The following GRB2 variants were observed in gnomAD, a reference collection of about 807,000 sequenced individuals.
GRB2 encodes the protein growth factor receptor-bound protein 2.
A neutral mutation model predicts 27.4 loss-of-function variants in GRB2; 2 were observed. The observed-to-expected ratio is 0.07, with a 90% confidence interval of 0.03 to 0.23. The LOEUF is 0.23. Among genes scored for constraint, GRB2 ranks in the 10% least tolerant of loss-of-function variants. The probability of loss-of-function intolerance (pLI) is 1.00; values close to 1 mark genes in which losing one functional copy is unlikely to be tolerated. For synonymous variants in GRB2, 94 were observed against 99.6 expected (o/e 0.94, Z 0.33); for missense variants, 102 against 282.4 (o/e 0.36, Z 4.58).
chr17:75,392,099 A>C (rs192453528), intron 2 of GRB2, among the ~76,000 whole-genome samples: 11 of 152,360 alleles, frequency 7.2e-5, no homozygotes, highest in African/African-American at 2.6e-4. Context: ...GTAATCACCT[A>C]CAGAAACATC....
intron 5 of GRB2, among the ~76,000 whole-genome samples, chr17:75,321,039 TC>T (rs1207365476): frequency 6.6e-6 from 1 of 152,114 alleles, no homozygotes; most frequent in Non-Finnish European, 1.5e-5. Context: ...AGCATAGTTT[TC>T]CTCATAATTT....
At chr17:75,378,315 G>T (rs4789180) in intron 2 of GRB2, among the ~76,000 whole-genome samples, 97,254 of 152,016 alleles carry the variant, frequency 0.64, 37,266 homozygotes, top group East Asian at 0.91. Context: ...ACAGGAGGGC[G>T]GAGGTTGTAG....
At chr17:75,345,644 T>C (rs926633942) in intron 2 of GRB2, among the ~76,000 whole-genome samples, 2 of 152,096 alleles carry the variant, frequency 1.3e-5, no homozygotes, top group African/African-American at 4.8e-5. Context: ...GAAAGGCTTG[T>C]TATAATCACA....
At chr17:75,359,547 G>T (rs1462415926) in intron 2 of GRB2, among the ~76,000 whole-genome samples, 1 of 151,350 alleles carries the variant, frequency 6.6e-6, no homozygotes, top group Non-Finnish European at 1.5e-5. Context: ...ATTTCAGATT[G>T]GTGTGAGTAA....
chr17:75,344,671 G>A (rs1013042191), intron 2 of GRB2, among the ~76,000 whole-genome samples: 1 of 151,826 alleles, frequency 6.6e-6, no homozygotes, highest in Admixed American at 6.6e-5. Context: ...GGATTTACAG[G>A]TGTTGAGCCA....
At chr17:75,338,893 G>C (rs1598224722) in intron 2 of GRB2, 1 of 845,822 alleles carries the variant, frequency 1.2e-6, no homozygotes, top group East Asian at 2.4e-5. Flanking sequence ...ACCCCACAAA[G>C]TGACACAGTA....
rs2078448575 is a variant in GRB2, at chr17:75,320,158, C to T, written c.*210G>A. On this transcript the variant is annotated 3_prime_UTR_variant, in exon 6 of 6. Coordinates refer to ENST00000316804, the MANE Select transcript of GRB2 (RefSeq NM_002086.5). This position sits in a 1 kb window ranked among gnomAD's most constrained non-coding sequence, Gnocchi z 4.3. The stretch of plus-strand genomic sequence containing the variant: ...GCAGTGAAAATTTGTAATAAAAACT[C>T]TTCTTAATTTATAGGTAAGTTTTGG... 5 of 503,972 alleles carry T rather than the reference C, an allele frequency of 9.9e-6. No homozygotes were observed. In the East Asian group the frequency reaches 1.6e-4, roughly 16 times the overall value. 31.2% of individuals were successfully genotyped at this position (503,972 alleles called of 1,614,324 possible).
intron 1 of GRB2, among the ~76,000 whole-genome samples, chr17:75,403,458 G>A (rs927487083): frequency 3.9e-5 from 6 of 152,066 alleles, no homozygotes; most frequent in African/African-American, 1.2e-4. Context: ...TGCTGACGAA[G>A]TAAAGTGCCT....
At chr17:75,359,196 T>C (rs1483553764) in intron 2 of GRB2, among the ~76,000 whole-genome samples, 7 of 131,742 alleles carry the variant, frequency 5.3e-5, no homozygotes, top group African/African-American at 1.7e-4. Context: ...AGAGGAATAA[T>C]AGACAATACA....
intron 2 of GRB2, among the ~76,000 whole-genome samples, chr17:75,357,712 C>G (rs1290204940): frequency 6.6e-6 from 1 of 152,104 alleles, no homozygotes; most frequent in African/African-American, 2.4e-5. Flanking sequence ...CCTGACGTCA[C>G]AAGTTCGAGA....
At chr17:75,323,144 G>C (rs930315092) in intron 4 of GRB2, among the ~76,000 whole-genome samples, 2 of 145,880 alleles carry the variant, frequency 1.4e-5, no homozygotes, top group Non-Finnish European at 3.0e-5. Context: ...AAAAAAAAAG[G>C]CATTCTCTGA....
intron 3 of GRB2, among the ~76,000 whole-genome samples, chr17:75,330,915 T>C (rs1413997279): frequency 6.6e-6 from 1 of 152,196 alleles, no homozygotes; most frequent in Non-Finnish European, 1.5e-5. Context: ...AATCATTTTG[T>C]AGTCTAATTT....
chr17:75,386,534 G>C (rs2078964924), intron 2 of GRB2, among the ~76,000 whole-genome samples: 1 of 152,202 alleles, frequency 6.6e-6, no homozygotes, highest in African/African-American at 2.4e-5. Flanking sequence ...TGGGAAAGTG[G>C]TAACCATTTC....
chr17:75,336,602 C>G (rs1489432464), intron 2 of GRB2, among the ~76,000 whole-genome samples: 11 of 152,184 alleles, frequency 7.2e-5, no homozygotes, highest in Non-Finnish European at 1.5e-4. Context: ...ACAAACACAA[C>G]TCCAGGGCAA....
At chr17:75,344,320 A>AT (rs2078640887) in intron 2 of GRB2, 1 of 152,186 alleles carries the variant, frequency 6.6e-6, no homozygotes, top group South Asian at 2.1e-4. Context: ...CTTTTAGCTT[A>AT]AAGGTAAAAT....
At chr17:75,379,584 G>C (rs2078914885) in intron 2 of GRB2, among the ~76,000 whole-genome samples, 1 of 151,788 alleles carries the variant, frequency 6.6e-6, no homozygotes, top group Non-Finnish European at 1.5e-5. Context: ...ATTTTTAGTA[G>C]AGACAGGGTC....
chr17:75,372,248 G>A (rs978386646), intron 2 of GRB2: 2 of 152,208 alleles, frequency 1.3e-5, no homozygotes, highest in Admixed American at 1.3e-4. Context: ...GCAGAACAAA[G>A]TACAACAGGT....
At chr17:75,366,517 C>A (rs1018641718) in intron 2 of GRB2, among the ~76,000 whole-genome samples, 13 of 88,406 alleles carry the variant, frequency 1.5e-4, no homozygotes, top group Non-Finnish European at 1.5e-4. Flanking sequence ...AAAAAAAAAA[C>A]GGCCAGCTGC....
intron 2 of GRB2, among the ~76,000 whole-genome samples, chr17:75,354,265 G>T (rs56805291): frequency 0.089 from 5,697 of 63,980 alleles, 795 homozygotes; most frequent in African/African-American, 0.35. Context: ...CTTTTTTTTT[G>T]GGGGGGGGGG....
Sources: gnomAD v4.1 joint callset for allele counts (sites outside exome capture counted in the v4.1 genomes callset) on GRCh38, gnomAD v4.1.1 for gene constraint, Gnocchi (gnomAD v3.1) non-coding constraint, MANE v1.5 for transcripts, NCBI Gene and HGNC (gene_info 2026-07-23, HGNC 2026-07-21) for gene names.